MTERF4: variants seen among roughly 807,000 people sequenced by gnomAD.
The protein encoded by MTERF4 is transcription termination factor 4, mitochondrial.
Under a neutral mutation model 22.5 loss-of-function variants are expected in MTERF4, and 17 were observed. The observed-to-expected ratio is 0.75, with a 90% CI of 0.52 to 1.13. The LOEUF (loss-of-function observed/expected upper bound fraction) is 1.13. Among genes scored for constraint, MTERF4 ranks in the 50% most tolerant of loss-of-function variants. The pLI is 0.00. For synonymous variants in MTERF4, 165 were observed against 175.3 expected, an observed-to-expected ratio of 0.94 and a Z score of 0.47; for missense variants, 420 against 466.8, an observed-to-expected ratio of 0.90 and a Z score of 0.92.
At chr2:241,048,406 C>G in the MTERF4 span, 1 of 1,610,992 alleles carries the variant, frequency 6.2e-7, no homozygotes, top group Non-Finnish European at 8.5e-7. Context: ...TGTGCGAGTG[C>G]CCCGAAGGCT....
At position 241,096,283 on chromosome 2, in the gene MTERF4, G is replaced by A. The variant is rs772101621; in HGVS notation, c.861C>T (p.Asn287=). 2 of 1,614,082 alleles carry A rather than the reference G, an allele frequency of 1.2e-6. No homozygotes were observed. The highest frequency in any genetic ancestry group is 1.3e-5 in the African/African-American group (1 of 74,910). Residue 287 remains asparagine, a synonymous_variant, in exon 4 of 4, where the codon AAC becomes AAT. Transcript: ENST00000391980. This position sits in a 1 kb window ranked among gnomAD's most constrained non-coding sequence, Gnocchi z 5.1. ...PDKKGQTQIP[N]PLLKDILRVS... ...CTCTGAGAATGTCCTTGAGCAATGG[G>A]TTAGGGATCTGTGTCTGCCCCTTCT...
At chr2:241,097,216 G>A (rs753369402) in intron 3 of MTERF4, 27 bp downstream of exon 3, 175 of 1,609,936 alleles carry the variant, frequency 1.1e-4, no homozygotes, top group Non-Finnish European at 6.1e-5. Context: ...CTGAAACTAC[G>A]CTAATCACGC....
At chr2:241,044,824 G>A in the MTERF4 span, among the ~76,000 whole-genome samples, 8 of 152,244 alleles carry the variant, frequency 5.3e-5, no homozygotes, top group African/African-American at 1.9e-4. Context: ...CCCATTACTT[G>A]GTCCCAGCCA....
At chr2:241,056,868 A>G in the MTERF4 span, among the ~76,000 whole-genome samples, 2 of 152,158 alleles carry the variant, frequency 1.3e-5, no homozygotes, top group African/African-American at 4.8e-5. Context: ...GGCATGAGCC[A>G]CTGCGCCGGG....
chr2:241,052,187 G>C, the MTERF4 span: 1 of 1,581,786 alleles, frequency 6.3e-7, no homozygotes, highest in Non-Finnish European at 8.7e-7. Flanking sequence ...AGGCCAGGGC[G>C]GCCAGGGGTG....
At chr2:241,054,426 C>T in the MTERF4 span, among the ~76,000 whole-genome samples, 4 of 152,084 alleles carry the variant, frequency 2.6e-5, no homozygotes, top group Non-Finnish European at 4.4e-5. Flanking sequence ...AAAACTAGCC[C>T]GGCGTGGTGG....
At chr2:241,052,404 G>A in the MTERF4 span, 14 of 1,601,310 alleles carry the variant, frequency 8.7e-6, no homozygotes, top group Middle Eastern at 1.7e-4. Context: ...GCACCTGCGA[G>A]GACCGGGACA....
chr2:241,097,380 G>T lies in MTERF4; in HGVS notation c.568C>A (p.Arg190Ser), dbSNP rs1056529525. 1 of 1,613,996 alleles carries T rather than the reference G, an allele frequency of 6.2e-7. No individual in the cohort carries two copies. Among genetic ancestry groups the T allele is most frequent in the Non-Finnish European group, 8.5e-7 (1 of 1,180,002 alleles). ...LYCCPEIFTM[R>S]QQDINDTVRL... ...ACAGTGTCGTTAATGTCCTGCTGGCGCATGGTGAAAATTTCAGGGCAACAG... is the reference window on the plus strand; with the variant it reads ...ACAGTGTCGTTAATGTCCTGCTGGCTCATGGTGAAAATTTCAGGGCAACAG... The change falls in exon 3 of 4, where the codon CGC becomes AGC. Residue 190 changes from arginine to serine, a missense_variant. Arg to Ser is a moderately radical substitution (Grantham distance 110). Transcript: ENST00000391980.
the MTERF4 span, chr2:241,063,609 C>G: frequency 1.2e-6 from 2 of 1,610,668 alleles, no homozygotes; most frequent in African/African-American, 2.7e-5. Context: ...GCCGAGCTCA[C>G]CCGTGCAGAA....
rs2064603060 is a variant in MTERF4 at position 241,099,486 on chromosome 2, CCA to C, written c.428_429del (p.Val143GlyfsTer42). The C allele has an allele frequency of 1.2e-6, 2 of 1,614,162 alleles. No individual in the cohort carries two copies. The highest frequency in any genetic ancestry group is 1.3e-5 in the African/African-American group (1 of 75,022). Reference protein sequence around the residue: ...LLGLNPEPVCVVLKKSPQLLK... With the variant: ...LLGLNPEPVCXVLKKSPQLLK... ...AATAACTGGGGACTTTTCTTCAAGA[CCA>C]CACACACAGGCTCTGGATTCAGACC... is the stretch of plus-strand genomic sequence containing the variant. On this transcript the variant is annotated frameshift_variant, in exon 2 of 4. Transcript: ENST00000391980. LOFTEE classifies it high-confidence loss of function.
At chr2:241,064,085 C>T in the MTERF4 span, 8 of 1,569,602 alleles carry the variant, frequency 5.1e-6, no homozygotes, top group East Asian at 4.8e-5. This position sits in a 1 kb window ranked among gnomAD's most constrained non-coding sequence, Gnocchi z 7.0. Context: ...CCTACCTGTG[C>T]GTCTGCCCAG....
Position 241,096,516 on chromosome 2 carries a change from A to C in MTERF4, c.706-78T>G, listed in dbSNP as rs890349270. Reference sequence around the variant, plus strand: ...TCATTCTATAAACCATAAAAACTTAAGTTGTACAAAAGGATTCAAAAAGAA... The same window carrying C: ...TCATTCTATAAACCATAAAAACTTACGTTGTACAAAAGGATTCAAAAAGAA... On this transcript the variant is annotated intron_variant, in intron 3 of 3. Coordinates refer to ENST00000391980, the MANE Select transcript of MTERF4 (RefSeq NM_182501.4). The surrounding 1 kb of genome is among the most constrained non-coding windows in gnomAD (Gnocchi z 5.1). The C allele has an allele frequency of 5.9e-6, 9 of 1,514,632 alleles. No homozygotes were observed. The highest frequency in any genetic ancestry group is 4.1e-5 in the African/African-American group (3 of 72,734). The allele number at this position is 1,514,632 out of a possible 1,614,324, so 93.8% of individuals were successfully genotyped here.
At chr2:241,100,165 A>T (rs1239778736) in intron 1 of MTERF4, among the ~76,000 whole-genome samples, 1 of 152,188 alleles carries the variant, frequency 6.6e-6, no homozygotes, top group Admixed American at 6.5e-5. Context: ...ACATGGAGGA[A>T]GAGGGAAAAA....
chr2:241,084,945 A>T (rs1166033815), downstream of MTERF4, among the ~76,000 whole-genome samples: 2 of 152,138 alleles, frequency 1.3e-5, no homozygotes, highest in African/African-American at 4.8e-5. Context: ...AAAAGTTGTC[A>T]TGGCTTTGTC....
Position 241,096,638 on chromosome 2 carries a change from A to G in MTERF4, c.706-200T>C, listed in dbSNP as rs2064440398. The G allele has an allele frequency of 1.4e-6, 1 of 695,324 alleles. No individual in the cohort carries two copies. Among genetic ancestry groups the G allele is most frequent in the Non-Finnish European group, 2.7e-6 (1 of 375,368 alleles). The allele number at this position is 695,324 out of a possible 1,614,324, so 43.1% of individuals were successfully genotyped here. On this transcript the variant is annotated intron_variant, in intron 3 of 3. Coordinates refer to ENST00000391980, the MANE Select transcript of MTERF4 (RefSeq NM_182501.4). The surrounding 1 kb of genome is among the most constrained non-coding windows in gnomAD (Gnocchi z 5.1). ...CACTTTCAAATTCATCCTGAGAAAC[A>G]TGGAGCAGGAAATAAAGGGGTGGGA...
rs766031710 is a variant in MTERF4, at chr2:241,099,837, G to A, written c.79C>T (p.Pro27Ser). ...LTWACMARQT[P>S]HLGEQRRTTA... is the part of the protein sequence containing the mutation. ...GTCCTTCTCTGTTCTCCAAGATGAG[G>A]AGTCTGCCTAGCCATACAGGCCCAG... The change falls in exon 2 of 4, where the codon CCT becomes TCT. Residue 27 changes from proline (P) to serine (S), a missense_variant. Physicochemically the swap from Pro to Ser is moderately conservative, Grantham distance 74. Transcript: ENST00000391980. 8 of 1,613,862 alleles carry A rather than the reference G, an allele frequency of 5.0e-6. No homozygotes were observed. The highest frequency in any genetic ancestry group is 1.6e-4 in the Middle Eastern group (1 of 6,084).
chr2:241,082,226 A>C, downstream of MTERF4: 1 of 1,461,278 alleles, frequency 6.8e-7, no homozygotes, highest in Non-Finnish European at 9.6e-7. Flanking sequence ...CAAGAGGGGC[A>C]GGAGGAGCCG....
At chr2:241,086,572 C>G (rs1006151898), downstream of MTERF4, among the ~76,000 whole-genome samples, 1 of 152,232 alleles carries the variant, frequency 6.6e-6, no homozygotes, top group Non-Finnish European at 1.5e-5. Context: ...TTTCTAACAT[C>G]TGACATACAG....
At chr2:241,067,129 C>T in the MTERF4 span, among the ~76,000 whole-genome samples, 113 of 152,272 alleles carry the variant, frequency 7.4e-4, 4 homozygotes, top group East Asian at 0.02. Flanking sequence ...CCGCCCTGCC[C>T]GCTGCAGAGT....
Sources: allele counts gnomAD v4.1 joint callset (sites outside exome capture counted in the v4.1 genomes callset), GRCh38; gene constraint gnomAD v4.1.1; non-coding constraint Gnocchi (gnomAD v3.1); transcripts MANE v1.5; gene names NCBI Gene and HGNC (gene_info 2026-07-23, HGNC 2026-07-21).